CEP350: variants seen among roughly 807,000 people sequenced by gnomAD.
The protein encoded by CEP350 is centrosome-associated protein 350.
A neutral mutation model predicts 331.8 loss-of-function variants in CEP350; 126 were observed. The ratio of observed to expected loss-of-function variants is 0.38; its 90% CI spans 0.33 to 0.44. CEP350 has a LOEUF of 0.44. CEP350 is among the 20% of genes least tolerant of loss of function. The probability of loss-of-function intolerance (pLI) is 1.00; values close to 1 mark genes in which losing one functional copy is unlikely to be tolerated. For missense variants in CEP350, 3,406 were observed against 3,634.6 expected (o/e 0.94, Z 1.62); for synonymous variants, 1,200 against 1,259.5 (o/e 0.95, Z 1.00).
chr1:179,976,203 A>C (rs1322617626), intron 1 of CEP350, among the ~76,000 whole-genome samples: 2 of 150,688 alleles, frequency 1.3e-5, no homozygotes, highest in African/African-American at 2.4e-5. Flanking sequence ...TTGTTCTAAG[A>C]CTTTCATAAG....
intron 27 of CEP350, among the ~76,000 whole-genome samples, chr1:180,068,267 A>G (rs530571355): frequency 1.3e-5 from 2 of 152,312 alleles, no homozygotes; most frequent in South Asian, 4.1e-4. Flanking sequence ...ACCATATGTT[A>G]TATTCCTAAC....
rs1431094149 is a variant in CEP350 at position 180,022,822 on chromosome 1, A to G, written c.3360A>G (p.Thr1120=). ...CCTCTCCAGGGACTGGGACTTCGAC[A>G]GAAAAAAAATCAACTCTTGAACCTC... ...FVSSPGTGTS[T]EKKSTLEPHS... Residue 1120 remains threonine (T), a synonymous_variant, in exon 13 of 38, where the codon ACA becomes ACG. Coordinates refer to ENST00000367607, the MANE Select transcript of CEP350 (RefSeq NM_014810.5). The G allele has an allele frequency of 6.3e-7, 1 of 1,591,474 alleles. No individual in the cohort carries two copies. Among genetic ancestry groups the G allele is most frequent in the East Asian group, 2.3e-5 (1 of 44,328 alleles).
intron 1 of CEP350, among the ~76,000 whole-genome samples, chr1:179,965,615 CTTTTTT>C (rs747027286): frequency 1.7e-4 from 14 of 84,392 alleles, no homozygotes; most frequent in South Asian, 4.2e-4. Flanking sequence ...TTTTTCTTTT[CTTTTTT>C]TTTTTTTTTT....
At position 180,015,913 on chromosome 1, in the gene CEP350, C is replaced by G. The variant is rs759617071; in HGVS notation, c.2117C>G (p.Pro706Arg). 1.2e-6 allele frequency: 2 copies of G among 1,613,894 alleles called. No individual in the cohort carries two copies. Among genetic ancestry groups the G allele is most frequent in the East Asian group, 4.5e-5 (2 of 44,860 alleles). ...DKENKVQERP[P>R]SASSSSDMSL... ...GAAAACAAAGTACAGGAACGTCCCC[C>G]AAGTGCATCTTCCAGTAGTGACATG... Residue 706 changes from proline to arginine, a missense_variant, in exon 11 of 38, where the codon CCA (proline) becomes CGA (arginine). By Grantham distance (103) the Pro-to-Arg change is moderately radical. This residue lies in a region of CEP350 where 1,857 missense variants were observed against 1,909.2 expected (regional missense o/e 0.97). Transcript: ENST00000367607.
chr1:180,044,326 A>G (rs1656973026), intron 21 of CEP350, among the ~76,000 whole-genome samples, 153 bp downstream of exon 21: 1 of 152,202 alleles, frequency 6.6e-6, no homozygotes, highest in African/African-American at 2.4e-5. Flanking sequence ...CAATTTACAA[A>G]ATAGTTGGTC....
At chr1:179,993,348 T>C (rs1298479830) in intron 5 of CEP350, among the ~76,000 whole-genome samples, 1 of 152,184 alleles carries the variant, frequency 6.6e-6, no homozygotes, top group Non-Finnish European at 1.5e-5. Context: ...GAATTGAGAC[T>C]GAGTTGCTCA....
chr1:179,960,726 T>G (rs553703757), intron 1 of CEP350, among the ~76,000 whole-genome samples: 1 of 152,312 alleles, frequency 6.6e-6, no homozygotes, highest in South Asian at 2.1e-4. Flanking sequence ...TGAGAACTTG[T>G]GTAATATCTA....
chr1:180,107,316 GA>G (rs1031629564), intron 37 of CEP350, among the ~76,000 whole-genome samples: 14 of 152,166 alleles, frequency 9.2e-5, no homozygotes, highest in Non-Finnish European at 1.8e-4. Context: ...GAGCACAGAG[GA>G]AAAACTCCGA....
At chr1:179,993,972 A>T (rs1466599014) in intron 5 of CEP350, among the ~76,000 whole-genome samples, 1 of 152,186 alleles carries the variant, frequency 6.6e-6, no homozygotes, top group African/African-American at 2.4e-5. Context: ...TTCAGGTTGC[A>T]TTATGTTTTG....
intron 20 of CEP350, among the ~76,000 whole-genome samples, chr1:180,043,772 TTGTG>T (rs71118428): frequency 0.041 from 6,077 of 148,602 alleles, 201 homozygotes; most frequent in African/African-American, 0.09. Flanking sequence ...ATTACCATAT[TTGTG>T]TGTGTGTGTG....
intron 26 of CEP350, 52 bp downstream of exon 26, chr1:180,062,418 A>G (rs1658280031): frequency 2.0e-6 from 3 of 1,507,374 alleles, no homozygotes; most frequent in South Asian, 2.6e-5. Flanking sequence ...GATTGTCGGT[A>G]TCTAACCCTG....
At chr1:180,082,505 GGGTTTT>G (rs1264921569) in intron 30 of CEP350, among the ~76,000 whole-genome samples, 1 of 152,074 alleles carries the variant, frequency 6.6e-6, no homozygotes, top group African/African-American at 2.4e-5. Context: ...GGTAGAGATG[GGGTTTT>G]GCCATGCTGC....
chr1:179,987,516 TATC>T (rs1277576056), intron 3 of CEP350, among the ~76,000 whole-genome samples: 5 of 147,972 alleles, frequency 3.4e-5, no homozygotes, highest in Admixed American at 6.8e-5. Flanking sequence ...ATTATAGTAT[TATC>T]ATATATAATA....
At chr1:179,978,410 C>T (rs1190334262) in intron 1 of CEP350, among the ~76,000 whole-genome samples, 1 of 152,196 alleles carries the variant, frequency 6.6e-6, no homozygotes, top group Non-Finnish European at 1.5e-5. Context: ...ATCTTCTCTT[C>T]TGTCAACTTG....
chr1:180,109,783 G>A (rs923132825), intron 37 of CEP350, among the ~76,000 whole-genome samples: 1 of 152,098 alleles, frequency 6.6e-6, no homozygotes, highest in Non-Finnish European at 1.5e-5. Flanking sequence ...CTACAGGCGC[G>A]TGCCACCATG....
In CEP350 at chr1:180,031,312, C is replaced by T; in HGVS notation, c.3551-8C>T. The T allele has an allele frequency of 6.4e-7, 1 of 1,569,790 alleles. No homozygotes were observed. The highest frequency in any genetic ancestry group is 8.7e-7 in the Non-Finnish European group (1 of 1,147,778). Reference sequence around the variant, plus strand: ...GGGAATCAGCTTTATAAGAAATTTACTTTACAGGGTTGGATTCATTCACTG... The same window carrying T: ...GGGAATCAGCTTTATAAGAAATTTATTTTACAGGGTTGGATTCATTCACTG... On this transcript the variant is annotated splice_polypyrimidine_tract_variant and splice_region_variant and intron_variant, in intron 14 of 37. Coordinates refer to ENST00000367607, the MANE Select transcript of CEP350 (RefSeq NM_014810.5).
intron 25 of CEP350, among the ~76,000 whole-genome samples, chr1:180,056,613 G>C (rs560640026): frequency 6.6e-6 from 1 of 151,864 alleles, no homozygotes; most frequent in South Asian, 2.1e-4. Flanking sequence ...GGGACCACAG[G>C]TGTGCGCCAC....
At chr1:180,065,015 A>C in intron 26 of CEP350, 100 bp from the exon 27 acceptor site, 1 of 1,252,176 alleles carries the variant, frequency 8.0e-7, no homozygotes, top group Non-Finnish European at 1.1e-6. Flanking sequence ...ATTGTTATAA[A>C]CATTGTATTG....
rs376545151 is a variant in CEP350, at chr1:179,958,309, A to G, written c.-14+3167A>G. ...AGATTAAAAGTATATATATTGTTTG[A>G]TAGAATCATTTCCTGCTTAAAATTT... On this transcript the variant is annotated intron_variant, in intron 1 of 37. Coordinates refer to ENST00000367607, the MANE Select transcript of CEP350 (RefSeq NM_014810.5). Among the ~76,000 whole-genome samples the G allele has an allele frequency of 2.0e-4, 30 of 152,294 alleles. 3 individuals are homozygous for G. The highest frequency in any genetic ancestry group is 1.7e-3 in the Admixed American group (26 of 15,290).
Sources: allele counts gnomAD v4.1 joint callset (sites outside exome capture counted in the v4.1 genomes callset), GRCh38; gene constraint gnomAD v4.1.1; regional missense constraint gnomAD v4.1.1; transcripts MANE v1.5; gene names NCBI Gene and HGNC (gene_info 2026-07-23, HGNC 2026-07-21).